Variants in ARAP2 observed in about 807,000 individuals in gnomAD.
ARAP2 encodes arf-GAP with Rho-GAP domain, ANK repeat and PH domain-containing protein 2.
In ARAP2, 148 loss-of-function variants were observed where a neutral mutation model predicts 194.5. That is an observed-to-expected ratio of 0.76 (90% CI 0.67 to 0.87). The LOEUF is 0.87. Among genes scored for constraint, ARAP2 ranks in the 40% least tolerant of loss-of-function variants. The pLI is 0.00. For missense variants in ARAP2, 2,128 were observed against 1,989.7 expected (o/e 1.07, Z -1.32); for synonymous variants, 695 against 683.5 (o/e 1.02, Z -0.26).
chr4:36,146,096 C>G (rs1214940571), intron 19 of ARAP2, among the ~76,000 whole-genome samples: 4 of 151,992 alleles, frequency 2.6e-5, no homozygotes, highest in African/African-American at 9.7e-5. Flanking sequence ...AAAAAAACAG[C>G]ACCATAATTC....
intron 27 of ARAP2, among the ~76,000 whole-genome samples, chr4:36,096,374 A>AAAAAAAAAAAAAAAAAAAAAAAG (rs796310005): frequency 3.5e-5 from 5 of 142,084 alleles, no homozygotes; most frequent in African/African-American, 8.8e-5. Flanking sequence ...AAAAAAAAAA[A>AAAAAAAAAAAAAAAAAAAAAAAG]AAAAAAGAAA....
At position 36,210,583 on chromosome 4, in the gene ARAP2, C is replaced by T. The variant is rs200585472; in HGVS notation, c.1294G>A (p.Ala432Thr). Residue 432 changes from alanine (A) to threonine (T), a missense_variant, in exon 6 of 33, where the codon GCA becomes ACA. Ala to Thr is a moderately conservative substitution (Grantham distance 58). Coordinates refer to ENST00000303965, the MANE Select transcript of ARAP2 (RefSeq NM_015230.4). ...FQSLRRKNSK[A>T]SKSRTQKALI... The stretch of plus-strand genomic sequence containing the variant: ...GCTTTTTGAGTCCTAGATTTAGATG[C>T]CTTTGAATTTTTTCTTCTTAAACTC... 6.2e-6 allele frequency: 10 copies of T among 1,613,680 alleles called. No individual in the cohort carries two copies. In the East Asian group the frequency reaches 8.9e-5, roughly 14 times the overall value.
chr4:36,047,517 G>A (rs1007076261), intron 3 of ARAP2, among the ~76,000 whole-genome samples: 2 of 151,896 alleles, frequency 1.3e-5, no homozygotes, highest in Non-Finnish European at 2.9e-5. Context: ...TTCTTTTATT[G>A]CTCACTTCTT....
intron 5 of ARAP2, among the ~76,000 whole-genome samples, chr4:36,034,780 T>A (rs1719628600): frequency 6.6e-6 from 1 of 152,126 alleles, no homozygotes. Context: ...AATGCCTAGT[T>A]GAGGATTCTC....
chr4:36,144,247 A>G (rs1347116935), intron 19 of ARAP2, among the ~76,000 whole-genome samples: 3 of 151,910 alleles, frequency 2.0e-5, no homozygotes, highest in East Asian at 3.9e-4. Context: ...ATACTTGTCT[A>G]TTTGTTTAAG....
Position 36,128,429 on chromosome 4 carries a change from T to A in ARAP2, c.3640+104A>T, listed in dbSNP as rs537066561. The A allele has an allele frequency of 7.5e-5, 63 of 844,242 alleles. No individual in the cohort carries two copies. The African/African-American group carries it at 1.0e-3, about 13-fold the overall frequency. The allele number at this position is 844,242 out of a possible 1,614,324, so 52.3% of individuals were successfully genotyped here. A position where few individuals can be genotyped will look rare whatever the true frequency, so the allele number is the denominator to read the frequency against. On this transcript the variant is annotated intron_variant, in intron 21 of 32. Transcript: ENST00000303965. ...TTAAAATTTCAGCTTATCAAAGATG[T>A]TTAAAGTCTAAGTATTAAAAGGCAA...
rs931588609 is a variant in ARAP2, at chr4:36,178,067, G to C, written c.1679-62C>G. 15 of 1,430,608 alleles carry C rather than the reference G, an allele frequency of 1.0e-5. No individual in the cohort carries two copies. In the South Asian group the frequency reaches 2.1e-4, roughly 20 times the overall value. The allele number at this position is 1,430,608 out of a possible 1,614,324, so 88.6% of individuals were successfully genotyped here. On this transcript the variant is annotated intron_variant, in intron 8 of 32. Transcript: ENST00000303965. ...ATATAAGTTACATAGACACAGAAACGTCAAGAAGAAATCCATGCCCTTTGC... is the reference window on the plus strand; with the variant it reads ...ATATAAGTTACATAGACACAGAAACCTCAAGAAGAAATCCATGCCCTTTGC...
chr4:36,171,633 C>A (rs528035032), intron 9 of ARAP2, among the ~76,000 whole-genome samples: 115 of 151,894 alleles, frequency 7.6e-4, no homozygotes, highest in African/African-American at 2.6e-3. Context: ...AACTAACCTG[C>A]ACATTGTGTA....
chr4:36,035,916 A>G (rs189458659), intron 5 of ARAP2, among the ~76,000 whole-genome samples: 55 of 152,306 alleles, frequency 3.6e-4, no homozygotes, highest in Non-Finnish European at 4.4e-5. Flanking sequence ...ACTGTTATAC[A>G]GTATTAACTT....
At chr4:36,242,993 C>T (rs775448068) in intron 1 of ARAP2, among the ~76,000 whole-genome samples, 1 of 152,018 alleles carries the variant, frequency 6.6e-6, no homozygotes, top group Non-Finnish European at 1.5e-5. Flanking sequence ...AGTTCCATGA[C>T]CCACTTTTTT....
intron 6 of ARAP2, among the ~76,000 whole-genome samples, chr4:36,195,016 A>T (rs1474048399): frequency 3.3e-5 from 5 of 152,032 alleles, no homozygotes; most frequent in Admixed American, 6.6e-5. Context: ...GAAAAAAAAA[A>T]ATAGCCAGGC....
intron 6 of ARAP2, among the ~76,000 whole-genome samples, chr4:36,208,284 C>T (rs778736527): frequency 1.3e-5 from 2 of 152,100 alleles, no homozygotes; most frequent in Admixed American, 6.5e-5. Context: ...AATGCAGAGG[C>T]CCCTAAGGAG....
chr4:36,151,660 T>G (rs1375198265), intron 15 of ARAP2, among the ~76,000 whole-genome samples: 1 of 152,212 alleles, frequency 6.6e-6, no homozygotes, highest in Admixed American at 6.5e-5. Context: ...CTTTAGGGCA[T>G]TATTTATAAA....
chr4:36,187,464 T>A lies in ARAP2; in HGVS notation c.1665A>T (p.Arg555Ser). 6.9e-7 allele frequency: 1 copy of A among 1,439,078 alleles called. No homozygotes were observed. Among genetic ancestry groups the A allele is most frequent in the South Asian group, 1.4e-5 (1 of 69,998 alleles). The allele number at this position is 1,439,078 out of a possible 1,614,324, so 89.1% of individuals were successfully genotyped here. ...AAATAATCTCACCTTCTTTTTCTAC[T>A]CTAAAAACAAAAGTTCTTTGTGTTG... ...VVTTQRTFVFRVEKEEERNDW... is the reference protein window; with the variant it reads ...VVTTQRTFVFSVEKEEERNDW... The change falls in exon 8 of 33, where the codon AGA becomes AGT. Residue 555 changes from arginine (R) to serine (S), a missense_variant. Arg to Ser is a moderately radical substitution (Grantham distance 110). Transcript: ENST00000303965.
At chr4:36,084,496 C>T (rs1404560137) in intron 28 of ARAP2, among the ~76,000 whole-genome samples, 1 of 151,996 alleles carries the variant, frequency 6.6e-6, no homozygotes, top group African/African-American at 2.4e-5. Flanking sequence ...TTATGGAAAA[C>T]AGACTCGTGA....
At chr4:36,145,045 AAG>A (rs1473950561) in intron 19 of ARAP2, among the ~76,000 whole-genome samples, 1 of 151,988 alleles carries the variant, frequency 6.6e-6, no homozygotes, top group Admixed American at 6.6e-5. Context: ...CAGTGTAATT[AAG>A]AGTTTTTTTA....
At chr4:36,172,370 T>C (rs1385195024) in intron 9 of ARAP2, among the ~76,000 whole-genome samples, 3 of 152,234 alleles carry the variant, frequency 2.0e-5, no homozygotes, top group Admixed American at 6.5e-5. Flanking sequence ...ATGGTATTAT[T>C]ATAAAGAGTA....
intron 5 of ARAP2, among the ~76,000 whole-genome samples, chr4:36,044,469 T>A (rs996470490): frequency 4.6e-5 from 7 of 152,214 alleles, no homozygotes; most frequent in Non-Finnish European, 1.0e-4. Context: ...GAAGCTATTA[T>A]AACATATTTG....
intron 5 of ARAP2, among the ~76,000 whole-genome samples, chr4:36,032,620 A>G (rs1362986575): frequency 6.6e-6 from 1 of 152,238 alleles, no homozygotes; most frequent in Admixed American, 6.5e-5. Context: ...ATAAAATTAT[A>G]ACAGCATCAT....
Sources: allele counts gnomAD v4.1 joint callset (sites outside exome capture counted in the v4.1 genomes callset), GRCh38; gene constraint gnomAD v4.1.1; transcripts MANE v1.5; gene names NCBI Gene and HGNC (gene_info 2026-07-23, HGNC 2026-07-21).